The following PNMA1 variants were observed in gnomAD, a reference collection of about 807,000 sequenced individuals.
PNMA1 encodes PNMA family member 1.
PNMA1 carries 21 observed loss-of-function variants against 26.1 expected under a neutral mutation model. That is an observed-to-expected ratio of 0.80 (90% confidence interval 0.57 to 1.16). PNMA1 has a LOEUF of 1.16. PNMA1 is among the 50% of genes most tolerant of loss of function. PNMA1 has a pLI of 0.00. For missense variants in PNMA1, 435 were observed against 437.3 expected (o/e 0.99, Z 0.05); for synonymous variants, 189 against 177.3 (o/e 1.07, Z -0.52).
chr14:73,712,720 T>C lies in PNMA1; in HGVS notation c.920A>G (p.Gln307Arg), dbSNP rs2052829306. ...GANHSGAIRRQLWLTGAGEGP... is the reference protein window; with the variant it reads ...GANHSGAIRRRLWLTGAGEGP... ...TTCCCCAGCCCCGGTAAGCCACAGC[T>C]GCCTTCGGATGGCCCCGCTGTGGTT... Residue 307 changes from glutamine to arginine, a missense_variant, in exon 1 of 1, where the codon CAG (glutamine) becomes CGG (arginine). Gln to Arg is a conservative substitution (Grantham distance 43). Coordinates refer to ENST00000316836, the MANE Select transcript of PNMA1 (RefSeq NM_006029.5). 2 of 1,614,086 alleles carry C rather than the reference T, an allele frequency of 1.2e-6. No homozygotes were observed. The highest frequency in any genetic ancestry group is 3.3e-5 in the Admixed American group (2 of 60,002).
rs765413075 is a variant in PNMA1 at position 73,713,126 on chromosome 14, G to A, written c.514C>T (p.Pro172Ser). The A allele has an allele frequency of 3.7e-6, 6 of 1,612,222 alleles. No homozygotes were observed. In the East Asian group the frequency reaches 1.3e-4, roughly 36 times the overall value. The change falls in exon 1 of 1, where the codon CCT (proline) becomes TCT (serine). Residue 172 changes from proline to serine, a missense_variant. Transcript: ENST00000316836. Reference protein sequence around the residue: ...TLFSGRDIPGPGEETFDPWLE... With the variant: ...TLFSGRDIPGSGEETFDPWLE... Reference sequence around the variant, plus strand: ...CAGGGATCAAAGGTTTCCTCTCCAGGCCCTGGGATGTCCCTCCCCGAGAAA... The same window carrying A: ...CAGGGATCAAAGGTTTCCTCTCCAGACCCTGGGATGTCCCTCCCCGAGAAA...
chr14:73,714,321 T>C lies in PNMA1; in HGVS notation c.-682A>G, dbSNP rs1230518432. On this transcript the variant is annotated 5_prime_UTR_variant, in exon 1 of 1. Coordinates refer to ENST00000316836, the MANE Select transcript of PNMA1 (RefSeq NM_006029.5). ...GGGCGGCCGCGGCGGCCCGCAGCGG[T>C]TCAGGCGCTGCGCGGCTGCTCTGGC... is the stretch of plus-strand genomic sequence containing the variant. 1 of 164,820 alleles carries C rather than the reference T, an allele frequency of 6.1e-6. No homozygotes were observed. Among genetic ancestry groups the C allele is most frequent in the East Asian group, 1.9e-4 (1 of 5,164 alleles). The allele number at this position is 164,820 out of a possible 1,614,324, so 10.2% of individuals were successfully genotyped here. A position where few individuals can be genotyped will look rare whatever the true frequency, so the allele number is the denominator to read the frequency against.
Position 73,712,350 on chromosome 14 carries a change from G to GC in PNMA1, c.*227dup. 1 of 271,600 alleles carries GC rather than the reference G, an allele frequency of 3.7e-6. No homozygotes were observed. Among genetic ancestry groups the GC allele is most frequent in the South Asian group, 5.7e-5 (1 of 17,624 alleles). 16.8% of individuals were successfully genotyped at this position (271,600 alleles called of 1,614,324 possible). A position where few individuals can be genotyped will look rare whatever the true frequency, so the allele number is the denominator to read the frequency against. ...CTGTGTCCAACCAACCCTTTACCTG[G>GC]CATTTTAGCCAGCAAGACCCGCTTG... On this transcript the variant is annotated 3_prime_UTR_variant, in exon 1 of 1. Coordinates refer to ENST00000316836, the MANE Select transcript of PNMA1 (RefSeq NM_006029.5).
Position 73,713,186 on chromosome 14 carries a change from G to C in PNMA1, c.454C>G (p.Leu152Val). 1 of 1,614,064 alleles carries C rather than the reference G, an allele frequency of 6.2e-7. No homozygotes were observed. Among genetic ancestry groups the C allele is most frequent in the Non-Finnish European group, 8.5e-7 (1 of 1,180,022 alleles). ...NYILDNVIQP[L>V]VESIWYKRLT... The stretch of plus-strand genomic sequence containing the variant: ...CTCTTGTACCATATGGACTCAACAA[G>C]AGGCTGAATAACATTATCCAAAATA... Residue 152 changes from leucine (L) to valine (V), a missense_variant, in exon 1 of 1, where the codon CTT becomes GTT. Leu to Val is a conservative substitution (Grantham distance 32). Coordinates refer to ENST00000316836, the MANE Select transcript of PNMA1 (RefSeq NM_006029.5).
rs1227622850 is a variant in PNMA1, at chr14:73,713,885, G to A, written c.-246C>T. On this transcript the variant is annotated 5_prime_UTR_variant, in exon 1 of 1. Coordinates refer to ENST00000316836, the MANE Select transcript of PNMA1 (RefSeq NM_006029.5). ...CGCGGCCGTCGCCATCTTGCGTCTG[G>A]GTCTGGGTCCGGTCGGGTCCGCCGC... The A allele has an allele frequency of 2.4e-6, 1 of 416,314 alleles. No individual in the cohort carries two copies. The highest frequency in any genetic ancestry group is 4.3e-6 in the Non-Finnish European group (1 of 231,220). The allele number at this position is 416,314 out of a possible 1,614,324, so 25.8% of individuals were successfully genotyped here. A position where few individuals can be genotyped will look rare whatever the true frequency, so the allele number is the denominator to read the frequency against.
At position 73,712,995 on chromosome 14, in the gene PNMA1, G is replaced by A; in HGVS notation, c.645C>T (p.Arg215=). The A allele has an allele frequency of 1.2e-6, 2 of 1,614,168 alleles. No individual in the cohort carries two copies. Among genetic ancestry groups the A allele is most frequent in the African/African-American group, 1.3e-5 (1 of 75,048 alleles). Residue 215 remains arginine (R), a synonymous_variant, in exon 1 of 1, where the codon CGC becomes CGT. Coordinates refer to ENST00000316836, the MANE Select transcript of PNMA1 (RefSeq NM_006029.5). The stretch of plus-strand genomic sequence containing the variant: ...TCGCGGGGTTGTTGGACTTAAGGAT[G>A]CGAATAACATCAGCGGCGGGGCCTC... ...SLRGPAADVI[R]ILKSNNPAIT...
rs1412549432 is a variant in PNMA1, at chr14:73,713,105, G to C, written c.535C>G (p.Pro179Ala). 3.1e-6 allele frequency: 5 copies of C among 1,613,190 alleles called. No homozygotes were observed. The highest frequency in any genetic ancestry group is 4.2e-6 in the Non-Finnish European group (5 of 1,179,558). Residue 179 changes from proline (P) to alanine (A), a missense_variant, in exon 1 of 1, where the codon CCC becomes GCC. Pro to Ala is a conservative substitution (Grantham distance 27). Transcript: ENST00000316836. Reference protein sequence around the residue: ...IPGPGEETFDPWLEHTNEVLE... With the variant: ...IPGPGEETFDAWLEHTNEVLE... ...ACCTCATTAGTGTGCTCCAGCCAGG[G>C]ATCAAAGGTTTCCTCTCCAGGCCCT...
chr14:73,713,995 C>T lies in PNMA1; in HGVS notation c.-356G>A, dbSNP rs1404471059. The T allele has an allele frequency of 3.1e-5, 6 of 190,686 alleles. No individual in the cohort carries two copies. The highest frequency in any genetic ancestry group is 7.0e-5 in the Non-Finnish European group (6 of 85,918). The allele number at this position is 190,686 out of a possible 1,614,324, so 11.8% of individuals were successfully genotyped here. ...GCAGGCGCGCTGGGCCGAGAGCCGC[C>T]GGGGTGTGGTCGCGGGGCGTGGCCG... On this transcript the variant is annotated 5_prime_UTR_variant, in exon 1 of 1. Coordinates refer to ENST00000316836, the MANE Select transcript of PNMA1 (RefSeq NM_006029.5).
In PNMA1 at chr14:73,712,673, G is replaced by C; in HGVS notation, c.967C>G (p.Gln323Glu). The part of the protein sequence containing the change: ...AGEGPAPNLF[Q>E]LLVQIREEEA... ...TCCTCACGGATCTGCACCAGCAACT[G>C]AAAGAGGTTTGGGGCTGGCCCTTCC... Residue 323 changes from glutamine to glutamate, a missense_variant, in exon 1 of 1, where the codon CAG (glutamine) becomes GAG (glutamate). Transcript: ENST00000316836. The C allele has an allele frequency of 6.2e-7, 1 of 1,613,916 alleles. No individual in the cohort carries two copies. Among genetic ancestry groups the C allele is most frequent in the Non-Finnish European group, 8.5e-7 (1 of 1,179,892 alleles).
In PNMA1 at chr14:73,713,244, C is replaced by G. The variant is rs764484681; in HGVS notation, c.396G>C (p.Pro132=). 3.1e-6 allele frequency: 5 copies of G among 1,614,022 alleles called. No homozygotes were observed. The South Asian group carries it at 5.5e-5, about 18-fold the overall frequency. The change falls in exon 1 of 1, where the codon CCG becomes CCC. Residue 132 remains proline (P), a synonymous_variant. Transcript: ENST00000316836. ...VLGFQNPTPT[P]GPEMPAEMLN... ...GCATCTCTGCTGGCATCTCTGGGCC[C>G]GGGGTCGGAGTAGGGTTCTGAAACC...
In PNMA1 at chr14:73,713,154, TG is replaced by T. The variant is rs776463781; in HGVS notation, c.485del (p.Thr162AsnfsTer27). 1 of 1,611,890 alleles carries T rather than the reference TG, an allele frequency of 6.2e-7. No individual in the cohort carries two copies. On this transcript the variant is annotated frameshift_variant, in exon 1 of 1. Transcript: ENST00000316836. LOFTEE classifies it high-confidence loss of function. ...CTGGGATGTCCCTCCCCGAGAAAAG[TG>T]TCAGCCTCTTGTACCATATGGACTC... The part of the protein sequence containing the change: ...LVESIWYKRL[T>X]LFSGRDIPGP...
At position 73,712,819 on chromosome 14, in the gene PNMA1, T is replaced by C; in HGVS notation, c.821A>G (p.Lys274Arg). Residue 274 changes from lysine (K) to arginine (R), a missense_variant, in exon 1 of 1, where the codon AAG becomes AGG. Coordinates refer to ENST00000316836, the MANE Select transcript of PNMA1 (RefSeq NM_006029.5). ...YVIRLEPLLQ[K>R]VVEKGAIDKD... ...ATCAATGGCCCCCTTCTCTACCACC[T>C]TCTGTAGCAGAGGCTCCAGACGAAT... 6.2e-7 allele frequency: 1 copy of C among 1,614,032 alleles called. No individual in the cohort carries two copies. Among genetic ancestry groups the C allele is most frequent in the Non-Finnish European group, 8.5e-7 (1 of 1,179,950 alleles).
chr14:73,713,182 A>C lies in PNMA1; in HGVS notation c.458T>G (p.Val153Gly). Residue 153 changes from valine (V) to glycine (G), a missense_variant, in exon 1 of 1, where the codon GTT (valine) becomes GGT (glycine). Physicochemically the swap from Val to Gly is moderately radical, Grantham distance 109. Transcript: ENST00000316836. ...CAGCCTCTTGTACCATATGGACTCA[A>C]CAAGAGGCTGAATAACATTATCCAA... ...YILDNVIQPL[V>G]ESIWYKRLTL... The C allele has an allele frequency of 6.8e-6, 11 of 1,614,102 alleles. No homozygotes were observed. The highest frequency in any genetic ancestry group is 9.3e-6 in the Non-Finnish European group (11 of 1,180,028).
chr14:73,712,422 C>T lies in PNMA1; in HGVS notation c.*156G>A. The T allele has an allele frequency of 1.6e-6, 1 of 630,702 alleles. No homozygotes were observed. Among genetic ancestry groups the T allele is most frequent in the South Asian group, 2.3e-5 (1 of 44,260 alleles). 39.1% of individuals were successfully genotyped at this position (630,702 alleles called of 1,614,324 possible). On this transcript the variant is annotated 3_prime_UTR_variant, in exon 1 of 1. Transcript: ENST00000316836. ...TCGCTGGCACAATTTTAGAATGTTACATGAATACTCAGGCCTGACTAACCT... is the reference window on the plus strand; with the variant it reads ...TCGCTGGCACAATTTTAGAATGTTATATGAATACTCAGGCCTGACTAACCT...
chr14:73,712,922 C>T lies in PNMA1; in HGVS notation c.718G>A (p.Val240Ile). 1 of 1,614,226 alleles carries T rather than the reference C, an allele frequency of 6.2e-7. No individual in the cohort carries two copies. The highest frequency in any genetic ancestry group is 8.5e-7 in the Non-Finnish European group (1 of 1,180,054). ...LKALEQVFGS[V>I]ESSRDAQIKF... ...ATCTGGGCATCCCTAGAGCTCTCAA[C>T]GCTCCCAAACACCTGCTCAAGCGCC... The change falls in exon 1 of 1, where the codon GTT becomes ATT. Residue 240 changes from valine (V) to isoleucine (I), a missense_variant. Coordinates refer to ENST00000316836, the MANE Select transcript of PNMA1 (RefSeq NM_006029.5).
chr14:73,713,458 G>C lies in PNMA1; in HGVS notation c.182C>G (p.Ala61Gly), dbSNP rs773593281. The stretch of plus-strand genomic sequence containing the variant: ...AGTGAGCTCTAATAAGGCTGCTTTC[G>C]CATTTTCTTCCCTCCAGAACATTCT... ...LGRMFWREEN[A>G]KAALLELTGA... The change falls in exon 1 of 1, where the codon GCG becomes GGG. Residue 61 changes from alanine (A) to glycine (G), a missense_variant. Physicochemically the swap from Ala to Gly is moderately conservative, Grantham distance 60. Coordinates refer to ENST00000316836, the MANE Select transcript of PNMA1 (RefSeq NM_006029.5). 1 of 1,614,136 alleles carries C rather than the reference G, an allele frequency of 6.2e-7. No homozygotes were observed.
chr14:73,712,591 T>C lies in PNMA1; in HGVS notation c.1049A>G (p.Glu350Gly). ...AEATLLQLGL[E>G]GHF Reference sequence around the variant, plus strand: ...CTTTCCTGGCACTCAGAAGTGCCCTTCCAGGCCTAACTGCAGAAGGGTGGC... The same window carrying C: ...CTTTCCTGGCACTCAGAAGTGCCCTCCCAGGCCTAACTGCAGAAGGGTGGC... Residue 350 changes from glutamate (E) to glycine (G), a missense_variant, in exon 1 of 1, where the codon GAA becomes GGA. Coordinates refer to ENST00000316836, the MANE Select transcript of PNMA1 (RefSeq NM_006029.5). 6.2e-7 allele frequency: 1 copy of C among 1,600,344 alleles called. No homozygotes were observed. The highest frequency in any genetic ancestry group is 8.5e-7 in the Non-Finnish European group (1 of 1,173,108).
In PNMA1 at chr14:73,712,541, T is replaced by G; in HGVS notation, c.*37A>C. ...CCCACAGGGACAAGAAAAGTAGCTGTGATCTAGGTCTGCACTAAAGCTGCC... is the reference window on the plus strand; with the variant it reads ...CCCACAGGGACAAGAAAAGTAGCTGGGATCTAGGTCTGCACTAAAGCTGCC... On this transcript the variant is annotated 3_prime_UTR_variant, in exon 1 of 1. Transcript: ENST00000316836. 8 of 1,382,266 alleles carry G rather than the reference T, an allele frequency of 5.8e-6. No individual in the cohort carries two copies. Among genetic ancestry groups the G allele is most frequent in the Non-Finnish European group, 7.9e-6 (8 of 1,008,780 alleles). 85.6% of individuals were successfully genotyped at this position (1,382,266 alleles called of 1,614,324 possible).
Position 73,712,440 on chromosome 14 carries a change from A to T in PNMA1, c.*138T>A. On this transcript the variant is annotated 3_prime_UTR_variant, in exon 1 of 1. Coordinates refer to ENST00000316836, the MANE Select transcript of PNMA1 (RefSeq NM_006029.5). ...AATGTTACATGAATACTCAGGCCTG[A>T]CTAACCTTCCCCTCCAAAAAACAAC... is the stretch of plus-strand genomic sequence containing the variant. 3.0e-6 allele frequency: 2 copies of T among 672,900 alleles called. No individual in the cohort carries two copies. The highest frequency in any genetic ancestry group is 2.5e-5 in the East Asian group (1 of 40,054). The allele number at this position is 672,900 out of a possible 1,614,324, so 41.7% of individuals were successfully genotyped here.
Sources: gnomAD v4.1 joint callset for allele counts on GRCh38, gnomAD v4.1.1 for gene constraint, MANE v1.5 for transcripts, NCBI Gene and HGNC (gene_info 2026-07-23, HGNC 2026-07-21) for gene names.